PALM2AKAP2: variants seen among roughly 807,000 people sequenced by gnomAD.
PALM2AKAP2 encodes the protein PALM2 and AKAP2 fusion.
PALM2AKAP2 carries 37 observed loss-of-function variants against 71.5 expected under a neutral mutation model. The ratio of observed to expected loss-of-function variants is 0.52; its 90% CI spans 0.40 to 0.68. The LOEUF (loss-of-function observed/expected upper bound fraction) is 0.68. Among genes scored for constraint, PALM2AKAP2 ranks in the 30% least tolerant of loss-of-function variants. PALM2AKAP2 has a pLI of 0.00. For missense variants in PALM2AKAP2, 1,224 were observed against 1,191.8 expected (o/e 1.03, Z -0.40); for synonymous variants, 468 against 478.8 (o/e 0.98, Z 0.29).
At chr9:110,036,778 C>T (rs1833418729) in intron 7 of PALM2AKAP2, among the ~76,000 whole-genome samples, 1 of 152,118 alleles carries the variant, frequency 6.6e-6, no homozygotes, top group African/African-American at 2.4e-5. Flanking sequence ...CTGAAGTCCT[C>T]CTGGCTGCTC....
chr9:109,867,274 AT>A (rs1472621258), intron 1 of PALM2AKAP2: 2 of 490,840 alleles, frequency 4.1e-6, no homozygotes, highest in Non-Finnish European at 7.5e-6. Flanking sequence ...AGTGAGGAGA[AT>A]TTCTCCCACT....
At chr9:109,955,807 C>T (rs1297505861) in intron 6 of PALM2AKAP2, among the ~76,000 whole-genome samples, 1 of 151,782 alleles carries the variant, frequency 6.6e-6, no homozygotes, top group Non-Finnish European at 1.5e-5. Flanking sequence ...TGTAGTGGTG[C>T]GTATCTGTGG....
At chr9:109,932,630 GT>G (rs1199356265) in intron 6 of PALM2AKAP2, among the ~76,000 whole-genome samples, 3 of 152,232 alleles carry the variant, frequency 2.0e-5, no homozygotes, top group Non-Finnish European at 4.4e-5. Flanking sequence ...AGTGTTGAGT[GT>G]AGGGAGAACC....
intron 1 of PALM2AKAP2, among the ~76,000 whole-genome samples, chr9:109,742,478 G>C (rs1367369098): frequency 3.3e-5 from 5 of 152,120 alleles, no homozygotes; most frequent in African/African-American, 1.2e-4. Context: ...GAGTCTAAAA[G>C]ATGGCAATCC....
intron 7 of PALM2AKAP2, among the ~76,000 whole-genome samples, chr9:110,037,497 C>T (rs1588071606): frequency 6.6e-6 from 1 of 152,160 alleles, no homozygotes; most frequent in African/African-American, 2.4e-5. Context: ...TGAGCCACCG[C>T]ACCCGGCTTC....
rs772038493 is a variant in PALM2AKAP2 at position 109,925,019 on chromosome 9, C to T, written c.373-42C>T. 1.2e-5 allele frequency: 19 copies of T among 1,613,880 alleles called. No individual in the cohort carries two copies. In the South Asian group the frequency reaches 2.0e-4, roughly 17 times the overall value. ...GATGGGAAAAGATGGGATTGTACCC[C>T]CACATGTAGAGTAACGCTCTGCCTT... is the stretch of plus-strand genomic sequence containing the variant. On this transcript the variant is annotated intron_variant, in intron 4 of 9. Coordinates refer to the PALM2AKAP2 transcript ENST00000302798.
intron 6 of PALM2AKAP2, among the ~76,000 whole-genome samples, chr9:109,986,262 A>T (rs190016914): frequency 1.3e-5 from 2 of 152,210 alleles, no homozygotes; most frequent in African/African-American, 4.8e-5. Flanking sequence ...TTTCTGAATG[A>T]TTTTCTTACA....
chr9:109,779,657 G>T (rs1385036465), upstream of PALM2AKAP2, among the ~76,000 whole-genome samples: 1 of 152,116 alleles, frequency 6.6e-6, no homozygotes, highest in South Asian at 2.1e-4. Context: ...GCCACATATC[G>T]CCTCACCAGA....
chr9:110,074,526 C>T (rs1834276723), intron 1 of PALM2AKAP2, among the ~76,000 whole-genome samples: 1 of 152,124 alleles, frequency 6.6e-6, no homozygotes, highest in Non-Finnish European at 1.5e-5. Flanking sequence ...GATTTTGAGG[C>T]TGGACTGTGG....
chr9:109,661,839 T>C (rs899535142), intron 1 of PALM2AKAP2, among the ~76,000 whole-genome samples: 1 of 152,154 alleles, frequency 6.6e-6, no homozygotes, highest in Non-Finnish European at 1.5e-5. Context: ...TGTTTTATTT[T>C]GTTGAGCAGT....
chr9:110,023,555 C>A (rs1833115438), intron 7 of PALM2AKAP2, among the ~76,000 whole-genome samples: 1 of 151,778 alleles, frequency 6.6e-6, no homozygotes, highest in Non-Finnish European at 1.5e-5. Flanking sequence ...CTCAAATGAT[C>A]CACCCGCCTC....
At chr9:109,960,458 C>A (rs1002876096) in intron 6 of PALM2AKAP2, among the ~76,000 whole-genome samples, 2 of 152,124 alleles carry the variant, frequency 1.3e-5, no homozygotes, top group Non-Finnish European at 2.9e-5. Flanking sequence ...GACTTATAGA[C>A]CATAGATGAA....
At chr9:109,691,837 T>C (rs1385147922) in intron 1 of PALM2AKAP2, among the ~76,000 whole-genome samples, 2 of 11,980 alleles carry the variant, frequency 1.7e-4, no homozygotes, top group Non-Finnish European at 2.6e-4. Flanking sequence ...AAAGACGATA[T>C]ATATATATAT....
intron 3 of PALM2AKAP2, among the ~76,000 whole-genome samples, chr9:109,895,344 T>C (rs1257966179): frequency 6.6e-6 from 1 of 152,190 alleles, no homozygotes; most frequent in Non-Finnish European, 1.5e-5. Context: ...GGTACTGACA[T>C]TTTAATATTA....
intron 1 of PALM2AKAP2, among the ~76,000 whole-genome samples, chr9:109,644,675 A>C (rs762600174): frequency 5.3e-5 from 8 of 152,174 alleles, no homozygotes; most frequent in Non-Finnish European, 8.8e-5. Flanking sequence ...AACAGCACCC[A>C]AGTCACCTCT....
chr9:110,039,646 G>A (rs1324918561), intron 7 of PALM2AKAP2, among the ~76,000 whole-genome samples: 1 of 152,068 alleles, frequency 6.6e-6, no homozygotes, highest in African/African-American at 2.4e-5. Flanking sequence ...ATTTTGATAT[G>A]CCTTCACCCA....
intron 1 of PALM2AKAP2, among the ~76,000 whole-genome samples, chr9:110,087,873 A>T (rs895159115): frequency 1.3e-5 from 2 of 152,168 alleles, no homozygotes; most frequent in Non-Finnish European, 2.9e-5. Context: ...TGGAGTGGTA[A>T]TAAGTGCTGA....
At chr9:109,825,076 C>A (rs1828110303) in intron 1 of PALM2AKAP2, among the ~76,000 whole-genome samples, 1 of 152,162 alleles carries the variant, frequency 6.6e-6, no homozygotes, top group African/African-American at 2.4e-5. Context: ...ATTTACGAAA[C>A]AAGACACCTT....
At chr9:109,689,200 C>CTTTTTTTTTTTTT (rs200092612) in intron 1 of PALM2AKAP2, among the ~76,000 whole-genome samples, 1 of 134,150 alleles carries the variant, frequency 7.5e-6, no homozygotes, top group African/African-American at 2.8e-5. Flanking sequence ...TTTTTCTTTT[C>CTTTTTTTTTTTTT]TTTTTTTTTT....
Sources: gnomAD v4.1 joint callset for allele counts (sites outside exome capture counted in the v4.1 genomes callset) on GRCh38, gnomAD v4.1.1 for gene constraint, MANE v1.5 for transcripts, NCBI Gene and HGNC (gene_info 2026-07-23, HGNC 2026-07-21) for gene names.